Variants in PDE1C observed in about 807,000 individuals in gnomAD.
PDE1C encodes the protein phosphodiesterase 1C.
PDE1C carries 62 observed loss-of-function variants against 93.1 expected under a neutral mutation model. The ratio of observed to expected loss-of-function variants is 0.67; its 90% CI spans 0.54 to 0.82. The LOEUF (loss-of-function observed/expected upper bound fraction) is 0.82. PDE1C is among the 40% of genes least tolerant of loss of function. The pLI, the probability that PDE1C is intolerant of heterozygous loss-of-function variation, is 0.00. For synonymous variants in PDE1C, 325 were observed against 310.1 expected (o/e 1.05, Z -0.50); for missense variants, 742 against 884.6 (o/e 0.84, Z 2.04).
intron 7 of PDE1C, among the ~76,000 whole-genome samples, chr7:31,858,076 G>A (rs1004455722): frequency 2.0e-5 from 3 of 152,146 alleles, no homozygotes; most frequent in Non-Finnish European, 4.4e-5. Context: ...GGAAAACATG[G>A]GAGAAGCTAA....
intron 9 of PDE1C, among the ~76,000 whole-genome samples, chr7:31,845,883 C>T (rs2128789307): frequency 6.6e-6 from 1 of 152,150 alleles, no homozygotes; most frequent in Admixed American, 6.5e-5. Context: ...GTCCCAGCTA[C>T]TTGTGAGACT....
intron 1 of PDE1C, among the ~76,000 whole-genome samples, chr7:32,215,713 G>A (rs886325065): frequency 2.0e-5 from 3 of 152,356 alleles, no homozygotes; most frequent in Middle Eastern, 3.4e-3. Flanking sequence ...GGGCCAACCC[G>A]TTGTGGTGGT....
At chr7:32,045,178 A>C (rs539274293) in intron 2 of PDE1C, among the ~76,000 whole-genome samples, 20 of 151,268 alleles carry the variant, frequency 1.3e-4, no homozygotes, top group Non-Finnish European at 2.5e-4. Flanking sequence ...TCAAAACTAT[A>C]TAGACTCTCC....
intron 7 of PDE1C, among the ~76,000 whole-genome samples, chr7:31,860,523 T>C (rs758807131): frequency 1.8e-4 from 28 of 152,222 alleles, no homozygotes; most frequent in Non-Finnish European, 1.2e-4. Context: ...ATTTCTTTTA[T>C]TGATTAAATG....
chr7:31,841,970 C>A (rs1197070119), intron 9 of PDE1C, among the ~76,000 whole-genome samples: 1 of 152,032 alleles, frequency 6.6e-6, no homozygotes, highest in African/African-American at 2.4e-5. Context: ...CCTTTTTGTT[C>A]TAGTTAGGCC....
intron 1 of PDE1C, among the ~76,000 whole-genome samples, chr7:32,326,868 A>G (rs1329085149): frequency 6.6e-6 from 1 of 152,172 alleles, no homozygotes; most frequent in African/African-American, 2.4e-5. Flanking sequence ...ATCTAGAGGG[A>G]AAATGAATGA....
chr7:32,033,233 T>A (rs915309056), intron 2 of PDE1C, among the ~76,000 whole-genome samples: 1 of 152,034 alleles, frequency 6.6e-6, no homozygotes, highest in Non-Finnish European at 1.5e-5. Context: ...TATCTCTTTG[T>A]GACTCATCCA....
At chr7:31,863,353 T>C (rs1794898044) in intron 7 of PDE1C, among the ~76,000 whole-genome samples, 1 of 152,176 alleles carries the variant, frequency 6.6e-6, no homozygotes, top group Non-Finnish European at 1.5e-5. Flanking sequence ...AAGGAGATGA[T>C]CACATTATTT....
chr7:32,268,436 T>C (rs774569612), intron 1 of PDE1C, among the ~76,000 whole-genome samples: 1 of 152,194 alleles, frequency 6.6e-6, no homozygotes, highest in African/African-American at 2.4e-5. Flanking sequence ...TGAATATATA[T>C]AAAGCATAGC....
At chr7:32,311,394 A>T (rs375637787) in intron 1 of PDE1C, among the ~76,000 whole-genome samples, 1 of 152,360 alleles carries the variant, frequency 6.6e-6, no homozygotes, top group East Asian at 1.9e-4. Context: ...ATCCTCCCTA[A>T]CTAATTTTCT....
At position 32,336,405 on chromosome 7, in the gene PDE1C, C is replaced by T. The variant is rs185609291; in HGVS notation, c.310+91417G>A. 3.1e-4 allele frequency among the ~76,000 whole-genome samples: 47 copies of T among 152,186 alleles called. 2 individuals are homozygous for T. Among genetic ancestry groups the T allele is most frequent in the Admixed American group, 2.0e-3 (30 of 15,280 alleles). Reference sequence around the variant, plus strand: ...TTATACACTTATTTGAATATTTTACCGCATGTTGCCCTTATTATGTCAAAT... The same window carrying T: ...TTATACACTTATTTGAATATTTTACTGCATGTTGCCCTTATTATGTCAAAT... On this transcript the variant is annotated intron_variant, in intron 1 of 1. Coordinates refer to the PDE1C transcript ENST00000672256.
the PDE1C span, among the ~76,000 whole-genome samples, chr7:31,631,607 A>G: frequency 6.6e-6 from 1 of 152,140 alleles, no homozygotes; most frequent in African/African-American, 2.4e-5. Context: ...ATTTTTCTTT[A>G]ATGATGAAGG....
At chr7:31,892,884 T>C (rs1017595288) in intron 2 of PDE1C, among the ~76,000 whole-genome samples, 13 of 152,278 alleles carry the variant, frequency 8.5e-5, no homozygotes, top group South Asian at 4.1e-4. Context: ...ATATTATGTA[T>C]TTCAAAATTG....
chr7:31,794,097 TAGAC>T lies in PDE1C; in HGVS notation c.1891+14930_1891+14933del, dbSNP rs144135653. On this transcript the variant is annotated intron_variant, in intron 16 of 17. Coordinates refer to ENST00000396191, the MANE Select transcript of PDE1C (RefSeq NM_001191057.4). ...ACAGACAGACAGACAGACAGATAGA[TAGAC>T]AGATAGATGGGCAGGCGGGCAGGCA... Among the ~76,000 whole-genome samples, 1,167 of 144,260 alleles carry T rather than the reference TAGAC, an allele frequency of 8.1e-3. 25 individuals are homozygous for T. The highest frequency in any genetic ancestry group is 0.024 in the African/African-American group (903 of 37,498). 94.6% of individuals were successfully genotyped at this position (144,260 alleles called of 152,430 possible).
the PDE1C span, among the ~76,000 whole-genome samples, chr7:31,685,663 A>G: frequency 2.9e-3 from 436 of 152,324 alleles, 1 homozygote; most frequent in African/African-American, 0.01. Flanking sequence ...GCACACGTTT[A>G]CCTATGTAAC....
chr7:31,867,509 C>T (rs1795444528), intron 6 of PDE1C, among the ~76,000 whole-genome samples: 2 of 152,138 alleles, frequency 1.3e-5, no homozygotes, highest in Non-Finnish European at 2.9e-5. Flanking sequence ...GCTGCCATCA[C>T]AGCTGGCACC....
rs1407972457 is a variant in PDE1C, at chr7:31,873,361, A to G, written c.540T>C (p.Ser180=). The G allele has an allele frequency of 2.5e-6, 4 of 1,613,698 alleles. No homozygotes were observed. In the African/African-American group the frequency reaches 4.0e-5, roughly 16 times the overall value. Residue 180 remains serine, a synonymous_variant, in exon 6 of 18, where the codon AGT becomes AGC. Coordinates refer to ENST00000396191, the MANE Select transcript of PDE1C (RefSeq NM_001191057.4). ...SFDVFSLNEA[S]GDHALKFIFY... Reference sequence around the variant, plus strand: ...AAATAAATTTCAGTGCATGATCCCCACTGGCCTCATTGAGGGAAAAGACGT... The same window carrying G: ...AAATAAATTTCAGTGCATGATCCCCGCTGGCCTCATTGAGGGAAAAGACGT...
intron 3 of PDE1C, among the ~76,000 whole-genome samples, chr7:32,121,328 C>A (rs1302428509): frequency 3.9e-5 from 6 of 152,108 alleles, no homozygotes; most frequent in African/African-American, 1.4e-4. Flanking sequence ...TCCAGGAGTA[C>A]TTCCCTAACC....
intron 1 of PDE1C, among the ~76,000 whole-genome samples, chr7:32,245,599 T>C (rs1808867660): frequency 6.6e-6 from 1 of 152,202 alleles, no homozygotes; most frequent in Non-Finnish European, 1.5e-5. Context: ...TATGGCCCTA[T>C]GTTTTCTCTC....
Sources: gnomAD v4.1 joint callset for allele counts (sites outside exome capture counted in the v4.1 genomes callset) on GRCh38, gnomAD v4.1.1 for gene constraint, MANE v1.5 for transcripts, NCBI Gene and HGNC (gene_info 2026-07-23, HGNC 2026-07-21) for gene names.